MFAP5: variants seen among roughly 807,000 people sequenced by gnomAD.
MFAP5 encodes the protein microfibrillar-associated protein 5.
A neutral mutation model predicts 30.1 loss-of-function variants in MFAP5; 19 were observed. That is an observed-to-expected ratio of 0.63 (90% confidence interval 0.44 to 0.93). The LOEUF is 0.93. Ranked by LOEUF, MFAP5 falls within the 40% of genes least tolerant of loss-of-function variation. The pLI is 0.00. For synonymous variants in MFAP5, 92 were observed against 72.9 expected, an observed-to-expected ratio of 1.26 and a Z score of -1.33; for missense variants, 210 against 221.3, an observed-to-expected ratio of 0.95 and a Z score of 0.32.
rs1432265069 is a variant in MFAP5 at position 8,662,045 on chromosome 12, AC to A, written c.58+1del. The stretch of plus-strand genomic sequence containing the variant: ...TTAGGGAGCAAAGAATAAAGGACTC[AC>A]CAGAGGTGATGATGAATGCAGCAAG... On this transcript the variant is annotated splice_donor_variant, in intron 2 of 9. Transcript: ENST00000359478. LOFTEE classifies it high-confidence loss of function. 6.2e-7 allele frequency: 1 copy of A among 1,613,588 alleles called. No individual in the cohort carries two copies. The highest frequency in any genetic ancestry group is 2.2e-5 in the East Asian group (1 of 44,886).
In MFAP5 at chr12:8,660,853, G is replaced by T. The variant is rs1433137975; in HGVS notation, c.94+10C>A. On this transcript the variant is annotated intron_variant, in intron 3 of 9. Transcript: ENST00000359478. ...ACCCCAACAGAGCCGCTATCCAAGG[G>T]TTCACCTACCTCCTCGTTGACTATT... The T allele has an allele frequency of 9.9e-6, 16 of 1,610,136 alleles. 1 individual carries two copies. The East Asian group carries it at 3.3e-4, about 34-fold the overall frequency.
chr12:8,652,520 A>G (rs1941864843), intron 6 of MFAP5, among the ~76,000 whole-genome samples: 1 of 152,184 alleles, frequency 6.6e-6, no homozygotes, highest in South Asian at 2.1e-4. Context: ...CAAATTTAAC[A>G]TGGGCCTTAT....
intron 6 of MFAP5, among the ~76,000 whole-genome samples, chr12:8,652,830 C>T (rs1370885012): frequency 2.0e-5 from 3 of 152,170 alleles, no homozygotes; most frequent in Admixed American, 1.3e-4. Flanking sequence ...TTATCTTTCC[C>T]TTCACTAATT....
At position 8,646,259 on chromosome 12, in the gene MFAP5, A is replaced by G. The variant is rs912029882; in HGVS notation, c.*1832T>C. The G allele has an allele frequency of 6.6e-6, 1 of 152,216 alleles. No individual in the cohort carries two copies. The highest frequency in any genetic ancestry group is 1.5e-5 in the Non-Finnish European group (1 of 68,016). 9.4% of individuals were successfully genotyped at this position (152,216 alleles called of 1,614,324 possible). ...GTAGCATTTTTTTAAAATCAGTTGT[A>G]CAGATCCCATTAAACGAAATTGTTT... On this transcript the variant is annotated 3_prime_UTR_variant, in exon 10 of 10. Transcript: ENST00000359478.
chr12:8,657,893 G>C (rs1156714671), intron 3 of MFAP5, among the ~76,000 whole-genome samples: 1 of 151,980 alleles, frequency 6.6e-6, no homozygotes. Context: ...TTTAACTTCA[G>C]ATTCTATTAA....
rs976841879 is a variant in MFAP5 at position 8,655,441 on chromosome 12, A to G, written c.146T>C (p.Val49Ala). 1.8e-5 allele frequency: 29 copies of G among 1,607,744 alleles called. No homozygotes were observed. The highest frequency in any genetic ancestry group is 1.7e-4 in the Middle Eastern group (1 of 6,052). The change falls in exon 5 of 10, where the codon GTG becomes GCG. Residue 49 changes from valine to alanine, a missense_variant. Val to Ala is a moderately conservative substitution (Grantham distance 64). Coordinates refer to ENST00000359478, the MANE Select transcript of MFAP5 (RefSeq NM_003480.4). ...PETFTEDPNLVNDPATDETVL... is the reference protein window; with the variant it reads ...PETFTEDPNLANDPATDETVL... Reference sequence around the variant, plus strand: ...TGTTTCATCTGTAGCGGGATCATTCACCAGATCTGCAAAGACACATAACAA... The same window carrying G: ...TGTTTCATCTGTAGCGGGATCATTCGCCAGATCTGCAAAGACACATAACAA...
chr12:8,649,817 G>C (rs1374646295), intron 8 of MFAP5, among the ~76,000 whole-genome samples: 1 of 152,096 alleles, frequency 6.6e-6, no homozygotes, highest in Admixed American at 6.6e-5. Context: ...TGGTGTACAG[G>C]TGGTTTTTGG....
intron 3 of MFAP5, among the ~76,000 whole-genome samples, chr12:8,659,505 G>T (rs776541719): frequency 5.3e-5 from 8 of 152,048 alleles, no homozygotes; most frequent in Non-Finnish European, 7.4e-5. Flanking sequence ...CACAGGACTG[G>T]TTCCTAATCA....
chr12:8,654,610 A>C (rs901890609), intron 5 of MFAP5, 129 bp from the exon 6 acceptor site: 2 of 780,230 alleles, frequency 2.6e-6, no homozygotes, highest in Non-Finnish European at 4.1e-6. Context: ...TTTATGTATA[A>C]GGGAATAGAA....
intron 3 of MFAP5, 116 bp downstream of exon 3, chr12:8,660,747 T>C (rs1942123769): frequency 1.1e-6 from 1 of 923,310 alleles, no homozygotes; most frequent in Non-Finnish European, 1.7e-6. Context: ...GTAGGAAATA[T>C]TCTTTTTTTT....
intron 6 of MFAP5, among the ~76,000 whole-genome samples, chr12:8,653,143 G>C (rs1941884817): frequency 6.7e-6 from 1 of 150,182 alleles, no homozygotes; most frequent in Non-Finnish European, 1.5e-5. Context: ...AGTGAGCCAA[G>C]ATCGCGCTAT....
chr12:8,651,911 C>T, intron 6 of MFAP5: 1 of 540,696 alleles, frequency 1.8e-6, no homozygotes, highest in Admixed American at 3.2e-5. Flanking sequence ...TTCCTTTCTC[C>T]TTTCCTTTCT....
intron 6 of MFAP5, among the ~76,000 whole-genome samples, chr12:8,654,083 G>A (rs1487177150): frequency 1.4e-5 from 2 of 143,222 alleles, no homozygotes; most frequent in Admixed American, 7.2e-5. Flanking sequence ...CGGAGATCGC[G>A]CCATTGCACT....
intron 3 of MFAP5, 114 bp downstream of exon 3, chr12:8,660,749 C>A (rs200891799): frequency 7.7e-6 from 5 of 650,592 alleles, no homozygotes; most frequent in Non-Finnish European, 9.8e-6. Context: ...AGGAAATATT[C>A]TTTTTTTTTT....
chr12:8,659,812 C>T (rs966034260), intron 3 of MFAP5, among the ~76,000 whole-genome samples: 5 of 152,170 alleles, frequency 3.3e-5, no homozygotes, highest in African/African-American at 1.2e-4. Flanking sequence ...TTGCAAAACA[C>T]ATGCAATGCA....
chr12:8,650,527 A>C lies in MFAP5; in HGVS notation c.310T>G (p.Cys104Gly). 2 of 1,614,162 alleles carry C rather than the reference A, an allele frequency of 1.2e-6. No homozygotes were observed. The highest frequency in any genetic ancestry group is 1.3e-5 in the African/African-American group (1 of 75,050). Residue 104 changes from cysteine to glycine, a missense_variant, in exon 8 of 10, where the codon TGC (cysteine) becomes GGC (glycine). Physicochemically the swap from Cys to Gly is radical, Grantham distance 159. Transcript: ENST00000359478. ...CTGGTGAAGCATAACTGATGAATGCATTGTTTAACCGGCCGATGCACAGAG... is the reference window on the plus strand; with the variant it reads ...CTGGTGAAGCATAACTGATGAATGCCTTGTTTAACCGGCCGATGCACAGAG... ...LYSVHRPVKQ[C>G]IHQLCFTSLR...
chr12:8,656,059 C>CTTTTTTTT (rs11359613), intron 3 of MFAP5, among the ~76,000 whole-genome samples: 2 of 113,888 alleles, frequency 1.8e-5, no homozygotes, highest in African/African-American at 6.6e-5. Context: ...ATTCATAATT[C>CTTTTTTTT]TTTTTTTTTT....
chr12:8,650,325 A>G, intron 8 of MFAP5, 177 bp downstream of exon 8: 1 of 607,102 alleles, frequency 1.6e-6, no homozygotes, highest in Non-Finnish European at 3.0e-6. Context: ...TGTTCTTTGT[A>G]CACTTCAGCC....
At chr12:8,659,876 T>G (rs999833527) in intron 3 of MFAP5, among the ~76,000 whole-genome samples, 1 of 152,210 alleles carries the variant, frequency 6.6e-6, no homozygotes, top group Non-Finnish European at 1.5e-5. Context: ...TTAATACCAG[T>G]TGTGACCCAC....
Sources: gnomAD v4.1 joint callset for allele counts (sites outside exome capture counted in the v4.1 genomes callset) on GRCh38, gnomAD v4.1.1 for gene constraint, MANE v1.5 for transcripts, NCBI Gene and HGNC (gene_info 2026-07-23, HGNC 2026-07-21) for gene names.